GNAO1: variants seen among roughly 807,000 people sequenced by gnomAD.
The protein encoded by GNAO1 is G protein subunit alpha o1.
For synonymous variants in GNAO1, 164 were observed against 180.7 expected, an observed-to-expected ratio of 0.91 and a Z score of 0.74; for missense variants, 166 against 478.7, an observed-to-expected ratio of 0.35 and a Z score of 6.10.
chr16:56,334,231 GC>G (rs1176203427), intron 4 of GNAO1, among the ~76,000 whole-genome samples: 1 of 152,216 alleles, frequency 6.6e-6, no homozygotes, highest in African/African-American at 2.4e-5. Flanking sequence ...CTGCTCAGGG[GC>G]CGCTGAAGCC....
At chr16:56,194,276 C>T (rs1182821791) in intron 2 of GNAO1, 1 of 456,568 alleles carries the variant, frequency 2.2e-6, no homozygotes, top group Non-Finnish European at 4.4e-6. Flanking sequence ...GATGGGGAGG[C>T]GGGGCCTGGG....
intron 2 of GNAO1, among the ~76,000 whole-genome samples, chr16:56,255,341 G>A (rs1596823226): frequency 6.6e-6 from 1 of 152,162 alleles, no homozygotes; most frequent in Non-Finnish European, 1.5e-5. Context: ...TTCCATAGAT[G>A]AGATGTATGG....
At chr16:56,348,142 G>A (rs2037890548) in intron 6 of GNAO1, 1 of 970,130 alleles carries the variant, frequency 1.0e-6, no homozygotes, top group East Asian at 1.1e-4. Context: ...ATAATTTATT[G>A]GCTGCCATAA....
rs116830808 is a variant in GNAO1 at position 56,326,698 on chromosome 16, C to T, written c.304-1933C>T. On this transcript the variant is annotated intron_variant, in intron 3 of 8. Transcript: ENST00000262493. The surrounding 1 kb of genome is among the most constrained non-coding windows in gnomAD (Gnocchi z 4.8). Reference sequence around the variant, plus strand: ...GGTTATTTGCCCATTCCTGTCTGTCCGGGGCACCGACTCAAACTGCAGCCA... The same window carrying T: ...GGTTATTTGCCCATTCCTGTCTGTCTGGGGCACCGACTCAAACTGCAGCCA... Among the ~76,000 whole-genome samples, 1,268 of 152,304 alleles carry T rather than the reference C, an allele frequency of 8.3e-3. 23 individuals are homozygous for T. Among genetic ancestry groups the T allele is most frequent in the African/African-American group, 0.029 (1,193 of 41,584 alleles).
Position 56,292,702 on chromosome 16 carries a change from C to A in GNAO1, c.303+16630C>A, listed in dbSNP as rs532718040. 2.0e-3 allele frequency among the ~76,000 whole-genome samples: 308 copies of A among 152,334 alleles called. 2 individuals carry two copies. The highest frequency in any genetic ancestry group is 7.1e-3 in the African/African-American group (296 of 41,576). On this transcript the variant is annotated intron_variant, in intron 3 of 8. Transcript: ENST00000262493. The stretch of plus-strand genomic sequence containing the variant: ...AATGGAGCTGTTCGCTGTCTTCCTA[C>A]ACAGCATGTTCATGGCTTATGAGCT...
In GNAO1 at chr16:56,333,671, T is replaced by G. The variant is rs376525223; in HGVS notation, c.465-1058T>G. The stretch of plus-strand genomic sequence containing the variant: ...AAGTCATCTGCCCTTTCCAGCCCTG[T>G]GGACATCCATGAGCTGGTCAGCATG... On this transcript the variant is annotated intron_variant, in intron 4 of 8. Coordinates refer to ENST00000262493, the MANE Select transcript of GNAO1 (RefSeq NM_020988.3). Among the ~76,000 whole-genome samples the G allele has an allele frequency of 3.3e-5, 5 of 152,374 alleles. No homozygotes were observed. The South Asian group carries it at 8.3e-4, about 25-fold the overall frequency.
rs1319374727 is a variant in GNAO1, at chr16:56,351,105, G to C, written c.724-279G>C. Among the ~76,000 whole-genome samples the C allele has an allele frequency of 6.6e-6, 1 of 152,208 alleles. No individual in the cohort carries two copies. The highest frequency in any genetic ancestry group is 1.5e-5 in the Non-Finnish European group (1 of 68,040). ...TCACATAGCTGGGAACTCTGCAGTG[G>C]GGAGAGCCCGGGTCACCCTGTCCTC... On this transcript the variant is annotated intron_variant, in intron 6 of 8. Transcript: ENST00000262493. This position sits in a 1 kb window ranked among gnomAD's most constrained non-coding sequence, Gnocchi z 6.1.
At chr16:56,203,323 C>T (rs2036297315) in intron 2 of GNAO1, among the ~76,000 whole-genome samples, 1 of 152,048 alleles carries the variant, frequency 6.6e-6, no homozygotes, top group South Asian at 2.1e-4. Flanking sequence ...CAGTGATTGG[C>T]CCAGGGATGG....
intron 2 of GNAO1, among the ~76,000 whole-genome samples, chr16:56,251,550 G>T (rs986919616): frequency 6.6e-6 from 1 of 152,186 alleles, no homozygotes; most frequent in African/African-American, 2.4e-5. Context: ...TAGGAAAAAG[G>T]ATTGTAATAT....
At chr16:56,280,231 G>C (rs1193444582) in intron 3 of GNAO1, among the ~76,000 whole-genome samples, 6 of 152,264 alleles carry the variant, frequency 3.9e-5, no homozygotes, top group African/African-American at 1.4e-4. Flanking sequence ...GAGCTGCTTA[G>C]TGGGAGTGAA....
intron 2 of GNAO1, among the ~76,000 whole-genome samples, chr16:56,203,261 G>A (rs1212906484): frequency 3.9e-5 from 6 of 151,994 alleles, no homozygotes; most frequent in Non-Finnish European, 1.5e-5. Flanking sequence ...GAAGAGAGAA[G>A]TAGGTTCATG....
Position 56,295,997 on chromosome 16 carries a change from G to A in GNAO1, c.303+19925G>A, listed in dbSNP as rs190597056. Among the ~76,000 whole-genome samples the A allele has an allele frequency of 3.3e-3, 497 of 152,340 alleles. 4 individuals are homozygous for A. Among genetic ancestry groups the A allele is most frequent in the Non-Finnish European group, 2.5e-3 (173 of 68,038 alleles). On this transcript the variant is annotated intron_variant, in intron 3 of 8. Transcript: ENST00000262493. The stretch of plus-strand genomic sequence containing the variant: ...AGAGCCTCTATTAGGGACCTTGGCC[G>A]TCCTTACTGGAGACAGGCCATTCCT...
At chr16:56,193,328 G>GC (rs1424443687) in intron 2 of GNAO1, 1 of 152,956 alleles carries the variant, frequency 6.5e-6, no homozygotes, top group African/African-American at 2.4e-5. Context: ...GAGGGAAGCT[G>GC]CCTGTGAGGC....
Position 56,354,535 on chromosome 16 carries a change from G to A in GNAO1, c.878-331G>A, listed in dbSNP as rs1219168601. Among the ~76,000 whole-genome samples, 8 of 152,180 alleles carry A rather than the reference G, an allele frequency of 5.3e-5. No individual in the cohort carries two copies. The highest frequency in any genetic ancestry group is 2.0e-4 in the Admixed American group (3 of 15,272). ...TACTAAAAATACAAAAATTAGCTGG[G>A]CGTGGTGGCACGCGCCTGTATTACC... On this transcript the variant is annotated intron_variant, in intron 7 of 8. Coordinates refer to ENST00000262493, the MANE Select transcript of GNAO1 (RefSeq NM_020988.3). The surrounding 1 kb of genome is among the most constrained non-coding windows in gnomAD (Gnocchi z 4.3).
intron 2 of GNAO1, among the ~76,000 whole-genome samples, chr16:56,243,582 G>A (rs1343943049): frequency 6.6e-6 from 1 of 152,172 alleles, no homozygotes; most frequent in East Asian, 1.9e-4. Context: ...GACGTTATTG[G>A]CCATCAGGGA....
intron 2 of GNAO1, among the ~76,000 whole-genome samples, chr16:56,258,864 G>A (rs1157150032): frequency 2.0e-5 from 3 of 152,240 alleles, no homozygotes; most frequent in African/African-American, 7.2e-5. Flanking sequence ...TCAGTCTGAA[G>A]TTAGACAGGG....
intron 2 of GNAO1, among the ~76,000 whole-genome samples, chr16:56,250,372 T>C (rs2036788536): frequency 6.6e-6 from 1 of 152,156 alleles, no homozygotes; most frequent in Non-Finnish European, 1.5e-5. Context: ...CTTGGCCAAT[T>C]AGACTAGATA....
At position 56,263,993 on chromosome 16, in the gene GNAO1, C is replaced by T. The variant is rs558045038; in HGVS notation, c.162-11938C>T. On this transcript the variant is annotated intron_variant, in intron 2 of 8. Coordinates refer to ENST00000262493, the MANE Select transcript of GNAO1 (RefSeq NM_020988.3). Reference sequence around the variant, plus strand: ...ACAGTCAGTGGCAGTATTTCCCAAACACACAGGCATGAAAAAGGCAGTGGC... The same window carrying T: ...ACAGTCAGTGGCAGTATTTCCCAAATACACAGGCATGAAAAAGGCAGTGGC... Among the ~76,000 whole-genome samples the T allele has an allele frequency of 9.7e-4, 147 of 152,314 alleles. 3 individuals carry two copies. The highest frequency in any genetic ancestry group is 3.4e-3 in the African/African-American group (140 of 41,556).
At chr16:56,279,239 C>G (rs1353594480) in intron 3 of GNAO1, among the ~76,000 whole-genome samples, 1 of 152,182 alleles carries the variant, frequency 6.6e-6, no homozygotes, top group Non-Finnish European at 1.5e-5. Context: ...GTTCCCCCGG[C>G]AGCTGACTCA....
Sources: gnomAD v4.1 joint callset for allele counts (sites outside exome capture counted in the v4.1 genomes callset) on GRCh38, gnomAD v4.1.1 for gene constraint, Gnocchi (gnomAD v3.1) non-coding constraint, MANE v1.5 for transcripts, NCBI Gene and HGNC (gene_info 2026-07-23, HGNC 2026-07-21) for gene names.